ESRRG: variants seen among roughly 807,000 people sequenced by gnomAD.
ESRRG encodes the protein estrogen-related receptor gamma.
A neutral mutation model predicts 44.0 loss-of-function variants in ESRRG; 13 were observed. The observed-to-expected ratio is 0.30, with a 90% CI of 0.19 to 0.47. ESRRG has a LOEUF of 0.47. Among genes scored for constraint, ESRRG ranks in the 20% least tolerant of loss-of-function variants. The pLI is 1.00. For synonymous variants in ESRRG, 215 were observed against 214.6 expected, an observed-to-expected ratio of 1.00 and a Z score of -0.02; for missense variants, 395 against 580.6, an observed-to-expected ratio of 0.68 and a Z score of 3.29.
chr1:216,603,048 CT>C (rs770926927), intron 3 of ESRRG, among the ~76,000 whole-genome samples: 4 of 151,790 alleles, frequency 2.6e-5, no homozygotes, highest in Non-Finnish European at 5.9e-5. Context: ...TATCTTTTTA[CT>C]TGAATTACTG....
At chr1:216,627,240 C>T (rs1460244614) in intron 3 of ESRRG, among the ~76,000 whole-genome samples, 1 of 152,142 alleles carries the variant, frequency 6.6e-6, no homozygotes, top group African/African-American at 2.4e-5. Flanking sequence ...AACTTGGAAA[C>T]CTCTTAATTC....
intron 2 of ESRRG, among the ~76,000 whole-genome samples, chr1:216,790,519 C>A (rs532560858): frequency 6.6e-5 from 10 of 152,002 alleles, no homozygotes; most frequent in Admixed American, 2.0e-4. Flanking sequence ...AAGAGAAGAA[C>A]TTGAGATGAA....
chr1:216,611,314 GT>G (rs1049993460), intron 3 of ESRRG, among the ~76,000 whole-genome samples: 36 of 149,924 alleles, frequency 2.4e-4, no homozygotes, highest in African/African-American at 8.8e-4. Context: ...TGTTTCTTGT[GT>G]TTTCTTTTCA....
intron 1 of ESRRG, chr1:216,985,865 A>C (rs1317680172): frequency 6.6e-6 from 1 of 152,180 alleles, no homozygotes; most frequent in Non-Finnish European, 1.5e-5. Context: ...AAGCTAAGCA[A>C]GAGTCATACA....
At chr1:216,999,106 C>T (rs1335088920) in intron 1 of ESRRG, among the ~76,000 whole-genome samples, 1 of 152,140 alleles carries the variant, frequency 6.6e-6, no homozygotes, top group Non-Finnish European at 1.5e-5. Flanking sequence ...CTTGGGTGAA[C>T]TATTTAGTTT....
chr1:216,586,139 C>T (rs2063749003), intron 3 of ESRRG, among the ~76,000 whole-genome samples: 1 of 152,274 alleles, frequency 6.6e-6, no homozygotes, highest in South Asian at 2.1e-4. Context: ...ACAGATAATT[C>T]ACAACCAGAG....
At chr1:216,518,097 C>T (rs897911351) in intron 6 of ESRRG, among the ~76,000 whole-genome samples, 2 of 152,082 alleles carry the variant, frequency 1.3e-5, no homozygotes, top group Non-Finnish European at 1.5e-5. Flanking sequence ...ACTAGGACCG[C>T]GCCAAATCAC....
chr1:216,572,397 C>G (rs1396555907), intron 3 of ESRRG, among the ~76,000 whole-genome samples: 2 of 152,024 alleles, frequency 1.3e-5, no homozygotes, highest in Admixed American at 6.6e-5. Context: ...TGGACAAAGC[C>G]TCTTTATTTG....
intron 1 of ESRRG, among the ~76,000 whole-genome samples, chr1:217,080,662 GT>G (rs1372267169): frequency 3.1e-5 from 4 of 128,922 alleles, no homozygotes; most frequent in Non-Finnish European, 6.5e-5. Flanking sequence ...TGTTTGTTTT[GT>G]TTTTTTGGTT....
intron 1 of ESRRG, chr1:216,939,680 A>G (rs2064874296): frequency 6.6e-6 from 1 of 150,604 alleles, no homozygotes; most frequent in Admixed American, 6.7e-5. Context: ...AGCTCTATTC[A>G]TTTATGTGAC....
At position 216,504,666 on chromosome 1, in the gene ESRRG, G is replaced by T. The variant is rs1203501613; in HGVS notation, c.*2273C>A. The T allele has an allele frequency of 1.3e-5, 2 of 152,540 alleles. No homozygotes were observed. Among genetic ancestry groups the T allele is most frequent in the East Asian group, 3.8e-4 (2 of 5,202 alleles). The allele number at this position is 152,540 out of a possible 1,614,324, so 9.4% of individuals were successfully genotyped here. A position where few individuals can be genotyped will look rare whatever the true frequency, so the allele number is the denominator to read the frequency against. On this transcript the variant is annotated 3_prime_UTR_variant, in exon 7 of 7. Transcript: ENST00000408911. The stretch of plus-strand genomic sequence containing the variant: ...GAGTTAATAACAACATCTGAGAGAT[G>T]ATTGAGTGAAAGCCATATATACAGC...
At chr1:216,915,232 G>A (rs2060997593) in intron 2 of ESRRG, among the ~76,000 whole-genome samples, 1 of 152,084 alleles carries the variant, frequency 6.6e-6, no homozygotes, top group African/African-American at 2.4e-5. Context: ...CACTGTGTGG[G>A]GCAACTTGAA....
At chr1:216,960,254 G>T (rs758919292) in intron 1 of ESRRG, among the ~76,000 whole-genome samples, 2 of 151,984 alleles carry the variant, frequency 1.3e-5, no homozygotes, top group Non-Finnish European at 2.9e-5. Flanking sequence ...ATATATGTAG[G>T]TTATGAAACA....
intron 1 of ESRRG, chr1:217,078,248 G>A (rs534362632): frequency 2.7e-4 from 41 of 152,224 alleles, no homozygotes; most frequent in Non-Finnish European, 5.1e-4. Context: ...AGAGCACAGT[G>A]CTAAATCTGA....
At chr1:217,127,001 T>C (rs1257169253) in intron 1 of ESRRG, among the ~76,000 whole-genome samples, 3 of 152,220 alleles carry the variant, frequency 2.0e-5, no homozygotes, top group Admixed American at 6.5e-5. Flanking sequence ...AATAAGGAAA[T>C]AAATTCTATA....
chr1:216,881,924 T>C (rs2096454195), intron 2 of ESRRG, among the ~76,000 whole-genome samples: 1 of 152,076 alleles, frequency 6.6e-6, no homozygotes, highest in Non-Finnish European at 1.5e-5. Flanking sequence ...ATTCCAAAAC[T>C]GTGCTGATGA....
intron 2 of ESRRG, among the ~76,000 whole-genome samples, chr1:216,815,269 G>C (rs1472076337): frequency 6.6e-6 from 1 of 152,138 alleles, no homozygotes; most frequent in Admixed American, 6.5e-5. Context: ...GGCTTTAAAA[G>C]GATTACCTTG....
intron 1 of ESRRG, among the ~76,000 whole-genome samples, chr1:216,965,667 G>A (rs1247315114): frequency 6.6e-6 from 1 of 152,160 alleles, no homozygotes; most frequent in Non-Finnish European, 1.5e-5. Context: ...AGGCCTGGGG[G>A]GAGGCCAAAG....
chr1:216,713,074 G>A (rs1467511843), intron 1 of ESRRG, among the ~76,000 whole-genome samples: 1 of 152,098 alleles, frequency 6.6e-6, no homozygotes, highest in Non-Finnish European at 1.5e-5. Context: ...CTATTGATTT[G>A]AGTGTGTCAC....
Sources: gnomAD v4.1 joint callset for allele counts (sites outside exome capture counted in the v4.1 genomes callset) on GRCh38, gnomAD v4.1.1 for gene constraint, MANE v1.5 for transcripts, NCBI Gene and HGNC (gene_info 2026-07-23, HGNC 2026-07-21) for gene names.